ARID3B: variants seen among roughly 807,000 people sequenced by gnomAD.
ARID3B encodes the protein AT-rich interaction domain 3B, also known as AT-rich interactive domain-containing protein 3B.
ARID3B carries 10 observed loss-of-function variants against 51.9 expected under a neutral mutation model. The ratio of observed to expected loss-of-function variants is 0.19; its 90% CI spans 0.12 to 0.33. The LOEUF (loss-of-function observed/expected upper bound fraction) is 0.33. Ranked by LOEUF, ARID3B falls within the 10% of genes least tolerant of loss-of-function variation. The pLI is 1.00. For missense variants in ARID3B, 483 were observed against 716.3 expected (o/e 0.67, Z 3.72); for synonymous variants, 205 against 279.5 (o/e 0.73, Z 2.66).
intron 4 of ARID3B, among the ~76,000 whole-genome samples, chr15:74,589,021 C>CT (rs900091332): frequency 0.019 from 1,700 of 87,838 alleles, 107 homozygotes; most frequent in East Asian, 0.086. Flanking sequence ...CAAGCACACT[C>CT]TTTTTTTTTT....
rs578206395 is a variant in ARID3B at position 74,592,768 on chromosome 15, A to G, written c.1421-370A>G. Among the ~76,000 whole-genome samples, 3 of 152,250 alleles carry G rather than the reference A, an allele frequency of 2.0e-5. No homozygotes were observed. The South Asian group carries it at 6.2e-4, about 32-fold the overall frequency. On this transcript the variant is annotated intron_variant, in intron 7 of 8. Coordinates refer to ENST00000346246, the MANE Select transcript of ARID3B (RefSeq NM_006465.4). The stretch of plus-strand genomic sequence containing the variant: ...GAAAGAAAGGGCAGGTGGGTCCTCA[A>G]AGTTGGGGCTGGGTCTCATTGATCT...
chr15:74,547,245 G>A (rs914919617), intron 2 of ARID3B, among the ~76,000 whole-genome samples: 4 of 145,384 alleles, frequency 2.8e-5, no homozygotes, highest in Non-Finnish European at 6.0e-5. Flanking sequence ...TGCAACCTCC[G>A]CCTCCTGAGT....
rs1319937596 is a variant in ARID3B at position 74,573,155 on chromosome 15, T to G, written c.648T>G (p.Pro216=). The G allele has an allele frequency of 2.5e-6, 4 of 1,614,106 alleles. No individual in the cohort carries two copies. The Admixed American group carries it at 6.7e-5, about 27-fold the overall frequency. The part of the protein sequence containing the change: ...FAKLYELDGD[P]ERKEFLDDLF... Reference sequence around the variant, plus strand: ...AGCTGTATGAACTGGACGGTGATCCTGAAAGGAAAGAGTTCCTGGATGACC... The same window carrying G: ...AGCTGTATGAACTGGACGGTGATCCGGAAAGGAAAGAGTTCCTGGATGACC... The change falls in exon 4 of 9, where the codon CCT becomes CCG. Residue 216 remains proline, a synonymous_variant. Transcript: ENST00000346246.
chr15:74,587,771 C>T (rs1192959033), intron 4 of ARID3B, among the ~76,000 whole-genome samples: 2 of 152,168 alleles, frequency 1.3e-5, no homozygotes, highest in East Asian at 1.9e-4. Flanking sequence ...CAGAACAGCA[C>T]TGGGAGAAGT....
chr15:74,578,985 G>A (rs1218699097), intron 4 of ARID3B, among the ~76,000 whole-genome samples: 3 of 152,212 alleles, frequency 2.0e-5, no homozygotes, highest in South Asian at 2.1e-4. Context: ...TGAAAGGCCC[G>A]GAGACACCCA....
At chr15:74,545,078 A>C (rs2061610498) in intron 2 of ARID3B, among the ~76,000 whole-genome samples, 1 of 152,228 alleles carries the variant, frequency 6.6e-6, no homozygotes. Flanking sequence ...ATGAAGTTGC[A>C]ACAGTGTTGT....
chr15:74,542,621 T>C lies in ARID3B; in HGVS notation c.-77-1239T>C, dbSNP rs374840821. ...ATTTTTGAAGATACTAAAGACACTT[T>C]GTTTTTTGTCTTTCGACCCAATCCT... On this transcript the variant is annotated intron_variant, in intron 1 of 8. Coordinates refer to ENST00000346246, the MANE Select transcript of ARID3B (RefSeq NM_006465.4). 4.7e-4 allele frequency among the ~76,000 whole-genome samples: 71 copies of C among 152,388 alleles called. 1 individual carries two copies. Among genetic ancestry groups the C allele is most frequent in the African/African-American group, 1.6e-3 (67 of 41,598 alleles).
intron 5 of ARID3B, among the ~76,000 whole-genome samples, chr15:74,590,446 T>C (rs1288742696): frequency 6.6e-6 from 1 of 152,210 alleles, no homozygotes; most frequent in African/African-American, 2.4e-5. Context: ...TTACCTGATA[T>C]TCAGCTTACC....
intron 2 of ARID3B, among the ~76,000 whole-genome samples, chr15:74,572,139 C>T (rs991131865): frequency 1.3e-5 from 2 of 152,006 alleles, no homozygotes; most frequent in African/African-American, 2.4e-5. Flanking sequence ...AGTTACTGGA[C>T]TGATTAAAGA....
chr15:74,580,684 G>A (rs139045834), intron 4 of ARID3B, among the ~76,000 whole-genome samples: 303 of 152,234 alleles, frequency 2.0e-3, no homozygotes, highest in Non-Finnish European at 2.9e-3. Flanking sequence ...CTTAGCACGC[G>A]GTCTCCTAAC....
At position 74,595,853 on chromosome 15, in the gene ARID3B, A is replaced by G; in HGVS notation, c.*79A>G. The G allele has an allele frequency of 6.9e-7, 1 of 1,450,198 alleles. No individual in the cohort carries two copies. The highest frequency in any genetic ancestry group is 1.5e-5 in the African/African-American group (1 of 67,588). The allele number at this position is 1,450,198 out of a possible 1,614,324, so 89.8% of individuals were successfully genotyped here. ...TGATGCACAGAATTTACCTCATCTC[A>G]CAGAGCCCACGTCGACGAGCACCAT... is the stretch of plus-strand genomic sequence containing the variant. On this transcript the variant is annotated 3_prime_UTR_variant, in exon 9 of 9. Transcript: ENST00000346246.
chr15:74,554,463 C>T (rs142584900), intron 2 of ARID3B, among the ~76,000 whole-genome samples: 6 of 151,874 alleles, frequency 4.0e-5, no homozygotes, highest in African/African-American at 9.7e-5. Flanking sequence ...CTACCACACT[C>T]GGCTAATTTT....
chr15:74,545,382 A>G (rs1488531511), intron 2 of ARID3B, among the ~76,000 whole-genome samples: 1 of 152,244 alleles, frequency 6.6e-6, no homozygotes, highest in African/African-American at 2.4e-5. Context: ...GGAAAGCTGA[A>G]GTGACTTCCA....
chr15:74,584,289 T>A (rs2061772218), intron 4 of ARID3B, among the ~76,000 whole-genome samples: 1 of 152,250 alleles, frequency 6.6e-6, no homozygotes, highest in African/African-American at 2.4e-5. Context: ...GGAGCAGTTC[T>A]AGAGCAGGGC....
chr15:74,594,144 C>T (rs954646561), intron 8 of ARID3B, among the ~76,000 whole-genome samples: 8 of 152,094 alleles, frequency 5.3e-5, no homozygotes, highest in African/African-American at 1.9e-4. Flanking sequence ...ACAAGCCCAC[C>T]TGACTCTTGT....
chr15:74,593,359 G>A, intron 8 of ARID3B, 123 bp downstream of exon 8: 1 of 865,948 alleles, frequency 1.2e-6, no homozygotes, highest in Admixed American at 2.4e-5. Flanking sequence ...CTTTTTCCTG[G>A]TCTCAGAGTT....
intron 2 of ARID3B, 134 bp from the exon 3 acceptor site, chr15:74,572,728 G>A: frequency 2.5e-6 from 2 of 816,142 alleles, no homozygotes; most frequent in Non-Finnish European, 4.0e-6. Flanking sequence ...CTTCTGAGTT[G>A]TCTTTTATAG....
At chr15:74,558,456 T>C (rs927713857) in intron 2 of ARID3B, among the ~76,000 whole-genome samples, 2 of 152,202 alleles carry the variant, frequency 1.3e-5, no homozygotes, top group Admixed American at 6.5e-5. Context: ...TCTGCCTGTT[T>C]TTACTTTATG....
At chr15:74,573,650 A>G (rs1254752495) in intron 4 of ARID3B, 1 of 175,574 alleles carries the variant, frequency 5.7e-6, no homozygotes, top group African/African-American at 2.4e-5. Flanking sequence ...AGAAAAGGCC[A>G]ACACTTTCTT....
Sources: gnomAD v4.1 joint callset for allele counts (sites outside exome capture counted in the v4.1 genomes callset) on GRCh38, gnomAD v4.1.1 for gene constraint, MANE v1.5 for transcripts, NCBI Gene and HGNC (gene_info 2026-07-23, HGNC 2026-07-21) for gene names.